The following D2HGDH variants were observed in gnomAD, a reference collection of about 807,000 sequenced individuals.
The protein encoded by D2HGDH is D-2-hydroxyglutarate dehydrogenase, mitochondrial.
In D2HGDH, 31 loss-of-function variants were observed where a neutral mutation model predicts 46.9. The ratio of observed to expected loss-of-function variants is 0.66; its 90% CI spans 0.50 to 0.89. The LOEUF (loss-of-function observed/expected upper bound fraction) is 0.89, where lower values mean the gene tolerates loss of function less well. Ranked by LOEUF, D2HGDH falls within the 40% of genes least tolerant of loss-of-function variation. D2HGDH has a pLI of 0.00. For missense variants in D2HGDH, 698 were observed against 720.8 expected, an observed-to-expected ratio of 0.97 and a Z score of 0.36; for synonymous variants, 364 against 332.6, an observed-to-expected ratio of 1.09 and a Z score of -1.03.
intron 3 of D2HGDH, among the ~76,000 whole-genome samples, chr2:241,741,699 G>A (rs969483159): frequency 1.4e-5 from 2 of 141,808 alleles, no homozygotes; most frequent in African/African-American, 5.6e-5. Flanking sequence ...TTTCATGTAT[G>A]GGGCTTGCTG....
At chr2:241,755,356 A>T in intron 8 of D2HGDH, 2 of 1,302,824 alleles carry the variant, frequency 1.5e-6, no homozygotes, top group Non-Finnish European at 2.0e-6. Context: ...TGCCTGTGTG[A>T]CTCTGCGCCC....
chr2:241,758,531 G>T (rs962092855), intron 9 of D2HGDH, among the ~76,000 whole-genome samples: 1 of 152,092 alleles, frequency 6.6e-6, no homozygotes, highest in Non-Finnish European at 1.5e-5. Context: ...AGGCTGGAGT[G>T]CAGTGGCTCA....
Position 241,735,182 on chromosome 2 carries a change from G to GC in D2HGDH, c.-37dup, listed in dbSNP as rs1257931111. The stretch of plus-strand genomic sequence containing the variant: ...CTTCCCCTCCGGGCCCTGAGTACCG[G>GC]CCCCCCACCAAGGAGGAGCCCGAGG... On this transcript the variant is annotated 5_prime_UTR_variant, in exon 2 of 10. Coordinates refer to ENST00000321264, the MANE Select transcript of D2HGDH (RefSeq NM_152783.5). The GC allele has an allele frequency of 5.4e-6, 8 of 1,485,230 alleles. No individual in the cohort carries two copies. The East Asian group carries it at 8.1e-5, about 15-fold the overall frequency. The allele number at this position is 1,485,230 out of a possible 1,614,324, so 92.0% of individuals were successfully genotyped here.
intron 9 of D2HGDH, among the ~76,000 whole-genome samples, chr2:241,757,748 A>G (rs1391035380): frequency 6.6e-6 from 1 of 152,294 alleles, no homozygotes; most frequent in Non-Finnish European, 1.5e-5. Context: ...ACCTGAGGTC[A>G]GGAGTTCGAC....
chr2:241,737,374 G>A (rs1311141137), intron 2 of D2HGDH, among the ~76,000 whole-genome samples: 1 of 152,244 alleles, frequency 6.6e-6, no homozygotes, highest in Non-Finnish European at 1.5e-5. Flanking sequence ...GGCCAACAAT[G>A]CCTGCTCCTC....
rs1253493954 is a variant in D2HGDH, at chr2:241,743,587, G to A, written c.491-35G>A. ...TCACCAGCCCGGGGGCCCACTGGAA[G>A]CCAAGTGCTGCGGCAGCCTGGTCAC... On this transcript the variant is annotated intron_variant, in intron 4 of 9. Transcript: ENST00000321264. The surrounding 1 kb of genome is among the most constrained non-coding windows in gnomAD (Gnocchi z 4.8). 1.9e-6 allele frequency: 3 copies of A among 1,602,524 alleles called. No individual in the cohort carries two copies. The African/African-American group carries it at 4.0e-5, about 21-fold the overall frequency.
intron 2 of D2HGDH, among the ~76,000 whole-genome samples, chr2:241,737,007 T>C (rs962935975): frequency 1.3e-5 from 2 of 152,098 alleles, no homozygotes; most frequent in African/African-American, 2.4e-5. Context: ...CTCGCTCTGT[T>C]GCCCAGGCTG....
chr2:241,768,003 GGT>G lies in D2HGDH; in HGVS notation c.*35_*36del. On this transcript the variant is annotated 3_prime_UTR_variant, in exon 10 of 10. Transcript: ENST00000321264. The stretch of plus-strand genomic sequence containing the variant: ...CCTGCTGCTGCCAAGGCCCACTGGG[GGT>G]CGGCGGGTGGCTCTCGGGCGGGGGT... 6.4e-7 allele frequency: 1 copy of G among 1,555,636 alleles called. No individual in the cohort carries two copies. Among genetic ancestry groups the G allele is most frequent in the Non-Finnish European group, 8.6e-7 (1 of 1,156,514 alleles).
chr2:241,736,871 C>T (rs1036926996), intron 2 of D2HGDH, among the ~76,000 whole-genome samples: 15 of 151,324 alleles, frequency 9.9e-5, no homozygotes, highest in South Asian at 4.2e-4. Flanking sequence ...ATGTTGACCA[C>T]GCTGGTCTCG....
At chr2:241,755,727 G>A (rs756109677) in intron 8 of D2HGDH, 122 bp from the exon 9 acceptor site, 123 of 1,590,408 alleles carry the variant, frequency 7.7e-5, no homozygotes, top group Non-Finnish European at 9.4e-5. Flanking sequence ...GCTGTCCGGG[G>A]TCGGAGCCTC....
intron 6 of D2HGDH, 119 bp downstream of exon 6, chr2:241,744,996 C>T: frequency 1.5e-6 from 2 of 1,336,972 alleles, no homozygotes; most frequent in Admixed American, 3.9e-5. Flanking sequence ...ACAGTCGGTT[C>T]CCGTGTCTCC....
At chr2:241,741,183 G>A (rs972809933) in intron 3 of D2HGDH, 93 bp downstream of exon 3, 34 of 1,171,818 alleles carry the variant, frequency 2.9e-5, no homozygotes, top group Middle Eastern at 2.7e-4. Context: ...GACGCGGTGC[G>A]AAGCCAGCCG....
chr2:241,755,633 G>A (rs1001165233), intron 8 of D2HGDH: 174 of 1,529,858 alleles, frequency 1.1e-4, no homozygotes, highest in Non-Finnish European at 1.4e-4. Flanking sequence ...CTGGTCTGGG[G>A]CATTCGCTGT....
intron 8 of D2HGDH, chr2:241,755,282 G>A (rs1052083078): frequency 1.1e-5 from 10 of 920,156 alleles, no homozygotes; most frequent in East Asian, 8.9e-5. Context: ...TGGCCCACCC[G>A]CCATGTCCCT....
chr2:241,767,901 C>T lies in D2HGDH; in HGVS notation c.1498C>T (p.Gln500Ter), dbSNP rs754654316. ...ACCGGGGGCCCTGCAGCTCATGCAG[C>T]AGCTCAAGGCCCTGCTGGACCCCAA... ...KPPGALQLMQ[Q>*]LKALLDPKGI... The change falls in exon 10 of 10, where the codon CAG (glutamine) becomes TAG (stop). Residue 500 changes from glutamine (Q) to a stop codon, truncating the protein, a stop_gained. Transcript: ENST00000321264. LOFTEE classifies it high-confidence loss of function. The T allele has an allele frequency of 6.2e-7, 1 of 1,604,932 alleles. No homozygotes were observed. The highest frequency in any genetic ancestry group is 8.5e-7 in the Non-Finnish European group (1 of 1,176,254).
At position 241,755,901 on chromosome 2, in the gene D2HGDH, A is replaced by G. The variant is rs1161770818; in HGVS notation, c.1193A>G (p.Tyr398Cys). 3.7e-6 allele frequency: 6 copies of G among 1,613,130 alleles called. No individual in the cohort carries two copies. The highest frequency in any genetic ancestry group is 2.2e-5 in the East Asian group (1 of 44,860). The stretch of plus-strand genomic sequence containing the variant: ...ACAGAGGCGCTGAGCCGGGATGGCT[A>G]CGTGTACAAGTACGACCTCTCCCTC... ...RITEALSRDG[Y>C]VYKYDLSLPV... Residue 398 changes from tyrosine (Y) to cysteine (C), a missense_variant, in exon 9 of 10, where the codon TAC becomes TGC. Tyr to Cys is a radical substitution (Grantham distance 194, BLOSUM62 -2). Transcript: ENST00000321264.
At chr2:241,749,848 G>C (rs4075957) in intron 6 of D2HGDH, 1 of 429,900 alleles carries the variant, frequency 2.3e-6, no homozygotes. Context: ...GACACCAGGC[G>C]TGCCCTGCCC....
intron 6 of D2HGDH, chr2:241,749,218 G>A (rs1056373998): frequency 8.8e-6 from 9 of 1,027,418 alleles, no homozygotes; most frequent in Non-Finnish European, 1.2e-5. Context: ...CCACACCCCA[G>A]CCCTCTACGC....
chr2:241,734,736 C>G (rs917637481), intron 1 of D2HGDH, 41 bp downstream of exon 1: 1 of 153,680 alleles, frequency 6.5e-6, no homozygotes, highest in Non-Finnish European at 1.4e-5. Context: ...GCTGAGGGTC[C>G]CGGTCTGCGG....
Sources: gnomAD v4.1 joint callset for allele counts (sites outside exome capture counted in the v4.1 genomes callset) on GRCh38, gnomAD v4.1.1 for gene constraint, Gnocchi (gnomAD v3.1) non-coding constraint, MANE v1.5 for transcripts, NCBI Gene and HGNC (gene_info 2026-07-23, HGNC 2026-07-21) for gene names.